Variants in MROH1 observed in about 807,000 individuals in gnomAD.
MROH1 encodes the protein maestro heat like repeat family member 1.
In MROH1, 117 loss-of-function variants were observed where a neutral mutation model predicts 116.5. The ratio of observed to expected loss-of-function variants is 1.00; its 90% CI spans 0.86 to 1.17. MROH1 has a LOEUF of 1.17. Among genes scored for constraint, MROH1 ranks in the 50% most tolerant of loss-of-function variants. The pLI, the probability that MROH1 is intolerant of heterozygous loss-of-function variation, is 0.00. For synonymous variants in MROH1, 921 were observed against 583.9 expected, an observed-to-expected ratio of 1.58 and a Z score of -8.32; for missense variants, 1,873 against 1,338.5, an observed-to-expected ratio of 1.40 and a Z score of -6.23.
At chr8:144,247,049 G>T (rs1384078426) in intron 29 of MROH1, among the ~76,000 whole-genome samples, 1 of 152,224 alleles carries the variant, frequency 6.6e-6, no homozygotes, top group African/African-American at 2.4e-5. Context: ...TCTTGTAGGG[G>T]CCCGGCCTGG....
intron 28 of MROH1, 146 bp downstream of exon 28, chr8:144,244,685 C>T (rs918415275): frequency 1.2e-4 from 77 of 662,418 alleles, no homozygotes; most frequent in Admixed American, 1.7e-4. Context: ...CAGGCAGGTG[C>T]ACCCCCTCCC....
chr8:144,180,270 C>T lies in MROH1; in HGVS notation c.393C>T (p.Arg131=), dbSNP rs1825238445. 1 of 1,611,238 alleles carries T rather than the reference C, an allele frequency of 6.2e-7. No individual in the cohort carries two copies. Among genetic ancestry groups the T allele is most frequent in the South Asian group, 1.1e-5 (1 of 91,082 alleles). Residue 131 remains arginine, a synonymous_variant, in exon 6 of 44, where the codon CGC becomes CGT. Coordinates refer to ENST00000326134, the MANE Select transcript of MROH1 (RefSeq NM_032450.3). The surrounding 1 kb of genome is among the most constrained non-coding windows in gnomAD (Gnocchi z 7.4). ...GCAAGGTGATGGAGGAGCTGCTGCG[C>T]AGGCTGCACCCTGGGACCCTGCCAC... ...FISKVMEELL[R]RLHPGTLPHC...
At chr8:144,214,093 A>G (rs528102689) in intron 12 of MROH1, 3 of 152,166 alleles carry the variant, frequency 2.0e-5, no homozygotes, top group Admixed American at 6.6e-5. Context: ...TTCTGCTCCC[A>G]CCAGCAACCT....
rs910425539 is a variant in MROH1, at chr8:144,235,777, G to A, written c.1339-2979G>A. Among the ~76,000 whole-genome samples, 3 of 152,270 alleles carry A rather than the reference G, an allele frequency of 2.0e-5. No homozygotes were observed. The East Asian group carries it at 5.8e-4, about 29-fold the overall frequency. On this transcript the variant is annotated intron_variant, in intron 14 of 43. Transcript: ENST00000326134. ...TTTTCATGTCTATGTAAGAGATCAT[G>A]GTATATGCTTTTCTTATGCCTTTGT... is the stretch of plus-strand genomic sequence containing the variant.
intron 4 of MROH1, among the ~76,000 whole-genome samples, chr8:144,173,267 T>C (rs1338478604): frequency 2.0e-5 from 3 of 151,720 alleles, no homozygotes; most frequent in Middle Eastern, 3.4e-3. Flanking sequence ...CACTCCTGGC[T>C]AATTTTTTTT....
chr8:144,155,572 T>C (rs1218892428), intron 1 of MROH1, among the ~76,000 whole-genome samples: 2 of 152,134 alleles, frequency 1.3e-5, no homozygotes, highest in African/African-American at 4.8e-5. Flanking sequence ...ACCCATGCAG[T>C]TGAAACTTGT....
intron 24 of MROH1, 47 bp from the exon 25 acceptor site, chr8:144,243,447 C>T: frequency 1.3e-6 from 1 of 775,576 alleles, no homozygotes; most frequent in South Asian, 1.3e-5. Context: ...CGGGTTCAGC[C>T]CTGGAGGGCG....
At chr8:144,202,146 C>T (rs1831315933) in intron 12 of MROH1, among the ~76,000 whole-genome samples, 2 of 152,214 alleles carry the variant, frequency 1.3e-5, no homozygotes, top group Admixed American at 6.5e-5. Flanking sequence ...GGCCCTTGCC[C>T]CAGCAGAAGC....
intron 12 of MROH1, among the ~76,000 whole-genome samples, chr8:144,215,594 G>A (rs1010124936): frequency 2.0e-5 from 3 of 152,182 alleles, no homozygotes; most frequent in South Asian, 2.1e-4. Context: ...AACACAGGCC[G>A]GGCATGGTGG....
chr8:144,240,702 G>A lies in MROH1; in HGVS notation c.1935+25G>A, dbSNP rs1488333870. 12 of 713,714 alleles carry A rather than the reference G, an allele frequency of 1.7e-5. No homozygotes were observed. The African/African-American group carries it at 2.1e-4, about 12-fold the overall frequency. The allele number at this position is 713,714 out of a possible 1,614,324, so 44.2% of individuals were successfully genotyped here. ...GGTGGGGCACCTGCTGGCGTTCTTGGTGTGGTACTTGGGCTCCGAGTTTCT... is the reference window on the plus strand; with the variant it reads ...GGTGGGGCACCTGCTGGCGTTCTTGATGTGGTACTTGGGCTCCGAGTTTCT... On this transcript the variant is annotated intron_variant, in intron 20 of 43. Coordinates refer to ENST00000326134, the MANE Select transcript of MROH1 (RefSeq NM_032450.3).
At chr8:144,227,327 C>T (rs533133077) in intron 14 of MROH1, among the ~76,000 whole-genome samples, 1 of 152,328 alleles carries the variant, frequency 6.6e-6, no homozygotes, top group South Asian at 2.1e-4. Flanking sequence ...GGGGAACATA[C>T]TGCCTTTTAC....
At position 144,260,407 on chromosome 8, in the gene MROH1, G is replaced by GC. The variant is rs1371226906; in HGVS notation, c.4380+37dup. On this transcript the variant is annotated intron_variant, in intron 39 of 43. Transcript: ENST00000326134. ...GGTTGGGGCAGGGGGAGGGAAGAGGGCCCCAGCCCTTCCTGCCTCTTACTC... is the reference window on the plus strand; with the variant it reads ...GGTTGGGGCAGGGGGAGGGAAGAGGGCCCCCAGCCCTTCCTGCCTCTTACTC... 77 of 704,154 alleles carry GC rather than the reference G, an allele frequency of 1.1e-4. No individual in the cohort carries two copies. In the African/African-American group the frequency reaches 1.1e-3, roughly 10 times the overall value. The allele number at this position is 704,154 out of a possible 1,614,324, so 43.6% of individuals were successfully genotyped here.
intron 10 of MROH1, among the ~76,000 whole-genome samples, chr8:144,194,106 A>T (rs1829280094): frequency 6.6e-6 from 1 of 151,216 alleles, no homozygotes; most frequent in East Asian, 2.0e-4. Context: ...CTTGTTGCCC[A>T]GGCTGGAGTG....
intron 12 of MROH1, among the ~76,000 whole-genome samples, chr8:144,219,355 G>A (rs118031929): frequency 0.015 from 2,276 of 151,946 alleles, 25 homozygotes; most frequent in Non-Finnish European, 0.025. Context: ...AAGGGGTTTG[G>A]CCATGTTGTC....
chr8:144,189,813 G>A (rs1017218688), intron 7 of MROH1, among the ~76,000 whole-genome samples: 2 of 152,228 alleles, frequency 1.3e-5, no homozygotes, highest in African/African-American at 2.4e-5. Context: ...ATGGGTGGGC[G>A]TGGCACTGCT....
At chr8:144,224,948 T>A (rs940890472) in intron 14 of MROH1, among the ~76,000 whole-genome samples, 13 of 152,136 alleles carry the variant, frequency 8.5e-5, no homozygotes, top group African/African-American at 3.1e-4. Context: ...TGGAGAAACA[T>A]GAGTTAAAGA....
chr8:144,206,999 C>T (rs1055400444), intron 12 of MROH1, among the ~76,000 whole-genome samples: 1 of 150,784 alleles, frequency 6.6e-6, no homozygotes, highest in Non-Finnish European at 1.5e-5. Flanking sequence ...CATCACTGCG[C>T]TCCAGCCTGG....
At chr8:144,152,012 C>A (rs1335090938) in intron 1 of MROH1, among the ~76,000 whole-genome samples, 1 of 152,230 alleles carries the variant, frequency 6.6e-6, no homozygotes, top group Non-Finnish European at 1.5e-5. Flanking sequence ...GTCCTTTGCT[C>A]TCTTTCCTGT....
chr8:144,232,186 C>T (rs1167219875), intron 14 of MROH1, among the ~76,000 whole-genome samples: 1 of 152,124 alleles, frequency 6.6e-6, no homozygotes, highest in East Asian at 1.9e-4. Context: ...TAATCAGCCT[C>T]TCTTCATACC....
Sources: gnomAD v4.1 joint callset for allele counts (sites outside exome capture counted in the v4.1 genomes callset) on GRCh38, gnomAD v4.1.1 for gene constraint, Gnocchi (gnomAD v3.1) non-coding constraint, MANE v1.5 for transcripts, NCBI Gene and HGNC (gene_info 2026-07-23, HGNC 2026-07-21) for gene names.